Variants in STPG2 observed in about 807,000 individuals in gnomAD.
The protein encoded by STPG2 is sperm-tail PG-rich repeat-containing protein 2.
In STPG2, 56 loss-of-function variants were observed where a neutral mutation model predicts 54.2. The observed-to-expected ratio is 1.03, with a 90% CI of 0.83 to 1.29. The LOEUF is 1.29. STPG2 is among the 50% of genes most tolerant of loss of function. The probability of loss-of-function intolerance (pLI) is 0.00; values close to 1 mark genes in which losing one functional copy is unlikely to be tolerated. For synonymous variants in STPG2, 200 were observed against 181.8 expected, an observed-to-expected ratio of 1.10 and a Z score of -0.81; for missense variants, 596 against 544.9, an observed-to-expected ratio of 1.09 and a Z score of -0.93.
chr4:97,722,195 G>C (rs1232280937), intron 9 of STPG2, among the ~76,000 whole-genome samples: 1 of 151,570 alleles, frequency 6.6e-6, no homozygotes, highest in Non-Finnish European at 1.5e-5. Context: ...GAAAAGACTT[G>C]TGTATAAATG....
intron 10 of STPG2, among the ~76,000 whole-genome samples, chr4:97,632,118 T>C (rs1212781710): frequency 3.3e-5 from 5 of 152,194 alleles, no homozygotes; most frequent in South Asian, 4.1e-4. Flanking sequence ...TCTTTCCTTA[T>C]TGATACCTTC....
intron 5 of STPG2, among the ~76,000 whole-genome samples, chr4:98,015,328 C>T (rs1223176124): frequency 6.6e-6 from 1 of 151,686 alleles, no homozygotes; most frequent in African/African-American, 2.4e-5. Context: ...GGCTAATATC[C>T]AGAATCTACA....
intron 9 of STPG2, among the ~76,000 whole-genome samples, chr4:97,756,276 T>C (rs1578537654): frequency 6.6e-6 from 1 of 152,156 alleles, no homozygotes; most frequent in African/African-American, 2.4e-5. Context: ...TTGCGTTTCT[T>C]AATAAATTAT....
chr4:97,786,109 T>C (rs886891963), intron 9 of STPG2, among the ~76,000 whole-genome samples: 3 of 152,048 alleles, frequency 2.0e-5, no homozygotes, highest in Admixed American at 1.3e-4. Context: ...AATCAAGATA[T>C]AGAATATTTC....
intron 9 of STPG2, among the ~76,000 whole-genome samples, chr4:97,790,728 C>T (rs921412872): frequency 1.3e-5 from 2 of 152,168 alleles, no homozygotes; most frequent in Admixed American, 1.3e-4. Flanking sequence ...TCTCACTGCT[C>T]TTCTACCTTC....
At chr4:98,031,317 A>G (rs982842557) in intron 5 of STPG2, among the ~76,000 whole-genome samples, 1 of 152,172 alleles carries the variant, frequency 6.6e-6, no homozygotes, top group African/African-American at 2.4e-5. Flanking sequence ...ACATTGGAGG[A>G]ACCCTTCTAG....
chr4:97,461,532 C>A (rs1377626144), intron 4 of STPG2, among the ~76,000 whole-genome samples: 1 of 152,160 alleles, frequency 6.6e-6, no homozygotes, highest in East Asian at 1.9e-4. Context: ...CAGTCTGCAA[C>A]CCAGAAGAGG....
At chr4:97,665,628 G>A (rs1722500165) in intron 10 of STPG2, among the ~76,000 whole-genome samples, 1 of 152,124 alleles carries the variant, frequency 6.6e-6, no homozygotes, top group Admixed American at 6.5e-5. Context: ...CTGGAATCCT[G>A]GCCCCTAGAC....
intron 10 of STPG2, among the ~76,000 whole-genome samples, chr4:97,580,297 A>ATATACAT (rs1379207703): frequency 1.3e-5 from 2 of 152,000 alleles, no homozygotes; most frequent in Non-Finnish European, 2.9e-5. Context: ...CATATAATTT[A>ATATACAT]TATAATACAA....
At chr4:97,953,152 C>G (rs1426661) in intron 7 of STPG2, among the ~76,000 whole-genome samples, 59,319 of 151,980 alleles carry the variant, frequency 0.39, 11,706 homozygotes, top group Middle Eastern at 0.46. Flanking sequence ...TCTACCCATG[C>G]AGGGCAGCAG....
At chr4:98,074,812 C>G (rs1364153750) in intron 5 of STPG2, among the ~76,000 whole-genome samples, 1 of 152,124 alleles carries the variant, frequency 6.6e-6, no homozygotes, top group African/African-American at 2.4e-5. Context: ...CTGTTAAATT[C>G]TTCATCTCTT....
chr4:97,673,821 T>C (rs1283404355), intron 10 of STPG2, among the ~76,000 whole-genome samples: 1 of 152,206 alleles, frequency 6.6e-6, no homozygotes, highest in Non-Finnish European at 1.5e-5. Flanking sequence ...TATGTATGTA[T>C]TCTAAGTGTA....
intron 7 of STPG2, among the ~76,000 whole-genome samples, chr4:97,944,859 C>T (rs774209168): frequency 1.3e-5 from 2 of 152,042 alleles, no homozygotes; most frequent in Non-Finnish European, 2.9e-5. Flanking sequence ...TGGCACTTCT[C>T]CACTTTTTTC....
At chr4:97,636,596 A>G (rs899288033) in intron 10 of STPG2, among the ~76,000 whole-genome samples, 5 of 150,682 alleles carry the variant, frequency 3.3e-5, no homozygotes, top group Non-Finnish European at 5.9e-5. Flanking sequence ...GACTGCTAGC[A>G]AGACTAATAA....
At chr4:97,685,616 T>C (rs1239073004) in intron 10 of STPG2, among the ~76,000 whole-genome samples, 1 of 152,144 alleles carries the variant, frequency 6.6e-6, no homozygotes, top group Non-Finnish European at 1.5e-5. Flanking sequence ...TGATACTGTA[T>C]GGGAGATACA....
intron 4 of STPG2, among the ~76,000 whole-genome samples, chr4:97,489,548 A>G (rs1230110577): frequency 6.6e-6 from 1 of 151,602 alleles, no homozygotes; most frequent in Non-Finnish European, 1.5e-5. Flanking sequence ...TAGAGGAACA[A>G]TTGTCTCTCC....
At chr4:97,566,765 A>G (rs953327641) in intron 10 of STPG2, among the ~76,000 whole-genome samples, 13 of 151,850 alleles carry the variant, frequency 8.6e-5, no homozygotes, top group African/African-American at 2.9e-4. Context: ...CATCATTCTC[A>G]GTAAACTATC....
chr4:97,833,240 G>T lies in STPG2; in HGVS notation c.1204+7533C>A, dbSNP rs372567474. Among the ~76,000 whole-genome samples, 26 of 151,874 alleles carry T rather than the reference G, an allele frequency of 1.7e-4. 1 individual carries two copies. The South Asian group carries it at 3.3e-3, about 19-fold the overall frequency. ...CAACCATCAGATCTTTGATAAACCT[G>T]ACAAAAGCAATGGGGAAAGATTCCC... On this transcript the variant is annotated intron_variant, in intron 9 of 10. Coordinates refer to ENST00000295268, the MANE Select transcript of STPG2 (RefSeq NM_174952.3).
chr4:97,570,942 A>G (rs977625616), intron 10 of STPG2, among the ~76,000 whole-genome samples: 39 of 152,060 alleles, frequency 2.6e-4, no homozygotes, highest in African/African-American at 9.2e-4. Context: ...ACAGGGGTTC[A>G]TTTCAGTCCT....
Sources: allele counts gnomAD v4.1 joint callset (sites outside exome capture counted in the v4.1 genomes callset), GRCh38; gene constraint gnomAD v4.1.1; transcripts MANE v1.5; gene names NCBI Gene and HGNC (gene_info 2026-07-23, HGNC 2026-07-21).